Variants in PCDHA7 observed in about 807,000 individuals in gnomAD.
PCDHA7 encodes protocadherin alpha-7.
A neutral mutation model predicts 57.2 loss-of-function variants in PCDHA7; 37 were observed. The ratio of observed to expected loss-of-function variants is 0.65; its 90% CI spans 0.50 to 0.85. The LOEUF (loss-of-function observed/expected upper bound fraction) is 0.85, where lower values mean the gene tolerates loss of function less well. PCDHA7 is among the 40% of genes least tolerant of loss of function. The pLI is 0.00. For synonymous variants in PCDHA7, 553 were observed against 558.8 expected (o/e 0.99, Z 0.15); for missense variants, 1,188 against 1,241.8 (o/e 0.96, Z 0.65).
chr5:140,841,354 C>T (rs1777172316), intron 1 of PCDHA7: 2 of 1,612,948 alleles, frequency 1.2e-6, no homozygotes, highest in Non-Finnish European at 1.7e-6. Context: ...AGCTGGGATC[C>T]TGGCGACTAC....
intron 1 of PCDHA7, among the ~76,000 whole-genome samples, chr5:140,874,903 C>T (rs543752012): frequency 1.3e-5 from 2 of 152,172 alleles, no homozygotes; most frequent in South Asian, 4.1e-4. Context: ...TAAAATCTTA[C>T]GATGGAGTGC....
chr5:141,005,990 A>G (rs1375805001), intron 3 of PCDHA7, among the ~76,000 whole-genome samples: 6 of 151,998 alleles, frequency 3.9e-5, no homozygotes, highest in Admixed American at 3.9e-4. Flanking sequence ...GTGTTTGAGG[A>G]TCTGAAAGAA....
In PCDHA7 at chr5:140,875,872, A is replaced by C. The variant is rs1554168004; in HGVS notation, c.2355+39134A>C. Reference sequence around the variant, plus strand: ...CATTAACGACAACCCGCCGGTGTTCAGAGAAAGGGAACAAAAGGTACCTGT... The same window carrying C: ...CATTAACGACAACCCGCCGGTGTTCCGAGAAAGGGAACAAAAGGTACCTGT... On this transcript the variant is annotated intron_variant, in intron 1 of 3. Coordinates refer to ENST00000525929, the MANE Select transcript of PCDHA7 (RefSeq NM_018910.3). 1.9e-6 allele frequency: 3 copies of C among 1,614,224 alleles called. No individual in the cohort carries two copies. In the East Asian group the frequency reaches 6.7e-5, roughly 36 times the overall value.
intron 3 of PCDHA7, among the ~76,000 whole-genome samples, chr5:141,007,109 GA>G (rs1473367544): frequency 6.6e-6 from 1 of 152,138 alleles, no homozygotes; most frequent in Non-Finnish European, 1.5e-5. Flanking sequence ...CAAACCCAAG[GA>G]AGCTTCAACA....
chr5:140,957,523 T>G (rs987363578), intron 1 of PCDHA7, among the ~76,000 whole-genome samples: 1 of 152,156 alleles, frequency 6.6e-6, no homozygotes, highest in African/African-American at 2.4e-5. Context: ...TTTCAGACAT[T>G]CAGTGGGGAT....
intron 1 of PCDHA7, chr5:140,856,566 CA>C (rs1554148860): frequency 6.3e-7 from 1 of 1,597,240 alleles, no homozygotes; most frequent in South Asian, 1.1e-5. Flanking sequence ...AAACTCAGTC[CA>C]AATGAGTATT....
At chr5:140,864,213 C>T (rs1389443344) in intron 1 of PCDHA7, 1 of 152,256 alleles carries the variant, frequency 6.6e-6, no homozygotes, top group East Asian at 1.9e-4. Context: ...CAAATCTTCT[C>T]AATTTTGAAG....
At chr5:140,895,143 A>C (rs115893558) in intron 1 of PCDHA7, among the ~76,000 whole-genome samples, 3,577 of 152,272 alleles carry the variant, frequency 0.023, 51 homozygotes, top group Middle Eastern at 0.034. Flanking sequence ...CATAGGGCTA[A>C]GACAGGTTTA....
At chr5:140,982,022 G>T (rs2096962811) in intron 2 of PCDHA7, among the ~76,000 whole-genome samples, 1 of 152,168 alleles carries the variant, frequency 6.6e-6, no homozygotes, top group African/African-American at 2.4e-5. Context: ...AGCCAAATTG[G>T]AACAATACTC....
At position 140,892,381 on chromosome 5, in the gene PCDHA7, G is replaced by A. The variant is rs534818455; in HGVS notation, c.2355+55643G>A. Among the ~76,000 whole-genome samples the A allele has an allele frequency of 2.6e-5, 4 of 152,070 alleles. No individual in the cohort carries two copies. The South Asian group carries it at 8.3e-4, about 32-fold the overall frequency. On this transcript the variant is annotated intron_variant, in intron 1 of 3. Coordinates refer to ENST00000525929, the MANE Select transcript of PCDHA7 (RefSeq NM_018910.3). ...GCATCTTGGGGCACTAGCAATCATG[G>A]GTAATCTTAATCTATTTCAAGCTTC...
At chr5:140,938,336 A>G (rs1251086891) in intron 1 of PCDHA7, among the ~76,000 whole-genome samples, 1 of 152,204 alleles carries the variant, frequency 6.6e-6, no homozygotes, top group African/African-American at 2.4e-5. Context: ...ATGTTAATGG[A>G]TAATCTTGTC....
chr5:140,836,101 C>G lies in PCDHA7; in HGVS notation c.1718C>G (p.Thr573Ser), dbSNP rs1554135618. The change falls in exon 1 of 4, where the codon ACT becomes AGT. Residue 573 changes from threonine to serine, a missense_variant. This residue lies in a region of PCDHA7 where 892 missense variants were observed against 788.5 expected (regional missense o/e 1.13). Transcript: ENST00000525929. ...CTGCTGGCGCCTCGGGTGGGTGGCA[C>G]TGGTGGCGCAGTGAGAGAGCTTGTG... The part of the protein sequence containing the change: ...PALLAPRVGG[T>S]GGAVRELVPR... 8 of 1,613,594 alleles carry G rather than the reference C, an allele frequency of 5.0e-6. No individual in the cohort carries two copies. In the Admixed American group the frequency reaches 1.3e-4, roughly 27 times the overall value.
At chr5:140,975,978 A>T (rs964939685) in intron 1 of PCDHA7, among the ~76,000 whole-genome samples, 1 of 152,142 alleles carries the variant, frequency 6.6e-6, no homozygotes, top group African/African-American at 2.4e-5. Context: ...AAGTAAGCAT[A>T]GTCCTGGGAG....
At chr5:140,884,536 G>A in intron 1 of PCDHA7, 11 of 1,614,090 alleles carry the variant, frequency 6.8e-6, no homozygotes, top group African/African-American at 1.3e-5. Context: ...AGAGGCGGCC[G>A]AGGGTGTGCT....
chr5:140,926,125 A>G (rs1584421625), intron 1 of PCDHA7, among the ~76,000 whole-genome samples: 2 of 152,180 alleles, frequency 1.3e-5, no homozygotes, highest in Admixed American at 6.5e-5. Flanking sequence ...ACAGACTTCA[A>G]CCCGCAGCAG....
intron 1 of PCDHA7, chr5:140,927,582 G>C (rs1554204771): frequency 1.2e-6 from 2 of 1,614,174 alleles, no homozygotes; most frequent in Non-Finnish European, 8.5e-7. Context: ...ATGACAACGC[G>C]CCTGTATTTG....
intron 1 of PCDHA7, among the ~76,000 whole-genome samples, chr5:140,909,201 C>T (rs1379290108): frequency 2.0e-5 from 3 of 152,136 alleles, no homozygotes; most frequent in South Asian, 2.1e-4. Context: ...GACACAAAGC[C>T]GGAGAGTTGA....
chr5:140,869,469 G>A lies in PCDHA7; in HGVS notation c.2355+32731G>A, dbSNP rs781981842. The A allele has an allele frequency of 2.0e-5, 32 of 1,614,092 alleles. No individual in the cohort carries two copies. In the East Asian group the frequency reaches 5.1e-4, roughly 26 times the overall value. On this transcript the variant is annotated intron_variant, in intron 1 of 3. Coordinates refer to ENST00000525929, the MANE Select transcript of PCDHA7 (RefSeq NM_018910.3). Reference sequence around the variant, plus strand: ...TGCAGGTTTTCCATGTGAACGTGGAGGTGAAGGACATTAACGACAACCCGC... The same window carrying A: ...TGCAGGTTTTCCATGTGAACGTGGAAGTGAAGGACATTAACGACAACCCGC...
chr5:140,877,432 C>A (rs782574302), intron 1 of PCDHA7: 1 of 1,613,874 alleles, frequency 6.2e-7, no homozygotes, highest in Non-Finnish European at 8.5e-7. Flanking sequence ...GGTGAAGGAC[C>A]ACGGTGAGCC....
Sources: gnomAD v4.1 joint callset for allele counts (sites outside exome capture counted in the v4.1 genomes callset) on GRCh38, gnomAD v4.1.1 for gene constraint, gnomAD v4.1.1 regional missense constraint, MANE v1.5 for transcripts, NCBI Gene and HGNC (gene_info 2026-07-23, HGNC 2026-07-21) for gene names.